RPA1: variants seen among roughly 807,000 people sequenced by gnomAD.
The protein encoded by RPA1 is replication protein A1.
A neutral mutation model predicts 83.0 loss-of-function variants in RPA1; 49 were observed. That is an observed-to-expected ratio of 0.59 (90% confidence interval 0.47 to 0.75). RPA1 has a LOEUF of 0.75. RPA1 is among the 30% of genes least tolerant of loss of function. RPA1 has a pLI of 0.00. For missense variants in RPA1, 693 were observed against 776.1 expected (o/e 0.89, Z 1.27); for synonymous variants, 279 against 281.8 (o/e 0.99, Z 0.10).
intron 5 of RPA1, among the ~76,000 whole-genome samples, chr17:1,869,970 T>G (rs1167040805): frequency 6.6e-6 from 1 of 152,132 alleles, no homozygotes; most frequent in East Asian, 1.9e-4. Context: ...ATCTCACAAC[T>G]AGAGTTGCGG....
chr17:1,855,435 C>T (rs966919681), intron 5 of RPA1, among the ~76,000 whole-genome samples: 8 of 152,162 alleles, frequency 5.3e-5, no homozygotes, highest in Non-Finnish European at 1.0e-4. Context: ...GTGGTCCACC[C>T]GCCTGGGCCT....
chr17:1,846,524 G>A (rs1169193208), intron 4 of RPA1, among the ~76,000 whole-genome samples: 1 of 151,906 alleles, frequency 6.6e-6, no homozygotes, highest in African/African-American at 2.4e-5. Context: ...GTTTCACCAT[G>A]TTAGCCAGGA....
chr17:1,844,476 G>C, intron 3 of RPA1, 102 bp from the exon 4 acceptor site: 1 of 769,180 alleles, frequency 1.3e-6, no homozygotes, highest in East Asian at 2.7e-5. Context: ...AATTTCAGGA[G>C]CATATGTAAG....
intron 4 of RPA1, among the ~76,000 whole-genome samples, chr17:1,845,551 A>T (rs186343978): frequency 1.1e-4 from 16 of 152,194 alleles, no homozygotes; most frequent in Non-Finnish European, 1.5e-4. Flanking sequence ...AAATAAATTT[A>T]AAAAAAGAAT....
intron 4 of RPA1, among the ~76,000 whole-genome samples, chr17:1,849,505 G>A (rs1912399134): frequency 6.6e-6 from 1 of 151,704 alleles, no homozygotes. Context: ...TGTTAGCCAG[G>A]ATGATCTCGA....
intron 5 of RPA1, among the ~76,000 whole-genome samples, chr17:1,868,635 A>G (rs1348563998): frequency 6.6e-6 from 1 of 152,108 alleles, no homozygotes; most frequent in Non-Finnish European, 1.5e-5. Flanking sequence ...GCCAGGCGTG[A>G]TGGCGGGTAC....
chr17:1,864,365 C>A (rs929590436), intron 5 of RPA1, among the ~76,000 whole-genome samples: 1 of 151,886 alleles, frequency 6.6e-6, no homozygotes, highest in Non-Finnish European at 1.5e-5. Context: ...GGTGAAACCT[C>A]GTCTCTACTA....
chr17:1,868,471 G>A (rs1459082754), intron 5 of RPA1, among the ~76,000 whole-genome samples: 4 of 152,128 alleles, frequency 2.6e-5, no homozygotes, highest in African/African-American at 4.8e-5. Flanking sequence ...ATTCCAAAAT[G>A]TGCGTTGAAA....
intron 5 of RPA1, among the ~76,000 whole-genome samples, chr17:1,867,442 C>T (rs903190724): frequency 6.6e-5 from 10 of 152,098 alleles, no homozygotes; most frequent in Admixed American, 1.3e-4. Context: ...CTCAGTGGCT[C>T]ATACCTTCAG....
chr17:1,896,532 G>A (rs1348695207), intron 16 of RPA1, among the ~76,000 whole-genome samples: 1 of 152,108 alleles, frequency 6.6e-6, no homozygotes, highest in Admixed American at 6.6e-5. Flanking sequence ...AGTGGGGTGG[G>A]GCTGGGGGGG....
chr17:1,838,772 T>C (rs1428282990), intron 1 of RPA1, among the ~76,000 whole-genome samples: 2 of 152,226 alleles, frequency 1.3e-5, no homozygotes, highest in Non-Finnish European at 2.9e-5. Context: ...TAAATACAGA[T>C]ATTCAGTTGT....
At chr17:1,843,577 C>T (rs1438445593) in intron 2 of RPA1, among the ~76,000 whole-genome samples, 1 of 147,394 alleles carries the variant, frequency 6.8e-6, no homozygotes, top group Non-Finnish European at 1.5e-5. Flanking sequence ...CTACACAGCA[C>T]CTTGTGTATA....
intron 4 of RPA1, among the ~76,000 whole-genome samples, chr17:1,848,387 A>G (rs1470398697): frequency 1.3e-5 from 2 of 151,776 alleles, no homozygotes; most frequent in Non-Finnish European, 2.9e-5. Flanking sequence ...TGAGGCAGGC[A>G]GATCACCTGA....
chr17:1,868,510 C>T (rs1337151738), intron 5 of RPA1, among the ~76,000 whole-genome samples: 1 of 152,138 alleles, frequency 6.6e-6, no homozygotes, highest in African/African-American at 2.4e-5. Flanking sequence ...GTGGCTCACT[C>T]CTGTAATGCC....
At chr17:1,879,763 C>G (rs1275522050) in intron 11 of RPA1, 64 bp downstream of exon 11, 15 of 1,599,244 alleles carry the variant, frequency 9.4e-6, no homozygotes, top group Non-Finnish European at 1.2e-5. Flanking sequence ...GTGGTCTTGT[C>G]CTATAGGATG....
At position 1,849,316 on chromosome 17, in the gene RPA1, G is replaced by A. The variant is rs1388429151; in HGVS notation, c.273-3785G>A. 1.1e-3 allele frequency among the ~76,000 whole-genome samples: 133 copies of A among 123,758 alleles called. 1 individual carries two copies. Among genetic ancestry groups the A allele is most frequent in the African/African-American group, 4.1e-3 (123 of 29,786 alleles). The allele number at this position is 123,758 out of a possible 152,430, so 81.2% of individuals were successfully genotyped here. A position where few individuals can be genotyped will look rare whatever the true frequency, so the allele number is the denominator to read the frequency against. ...TTTTTTTTTTTTTTTTTTTTGAGAC[G>A]GAGTCTCGCTCTGTCTCTCAGGCTG... is the stretch of plus-strand genomic sequence containing the variant. On this transcript the variant is annotated intron_variant, in intron 4 of 16. Transcript: ENST00000254719.
rs745884794 is a variant in RPA1 at position 1,895,096 on chromosome 17, G to A, written c.1746+1G>A. ...CAGGGTCAAAGTGGAGACCTACAACGTAAGTAAGGGCCTGGGCAGCAGGGT... is the reference window on the plus strand; with the variant it reads ...CAGGGTCAAAGTGGAGACCTACAACATAAGTAAGGGCCTGGGCAGCAGGGT... On this transcript the variant is annotated splice_donor_variant, in intron 16 of 16. Transcript: ENST00000254719. LOFTEE classifies it high-confidence loss of function. 3.7e-6 allele frequency: 6 copies of A among 1,611,878 alleles called. No individual in the cohort carries two copies. The highest frequency in any genetic ancestry group is 2.2e-5 in the East Asian group (1 of 44,786).
At chr17:1,855,545 T>C (rs182243771) in intron 5 of RPA1, among the ~76,000 whole-genome samples, 1 of 152,330 alleles carries the variant, frequency 6.6e-6, no homozygotes, top group East Asian at 1.9e-4. Flanking sequence ...CATGATGTAT[T>C]ATTCTTTTTA....
At chr17:1,844,802 C>T in intron 4 of RPA1, 116 bp downstream of exon 4, 1 of 674,438 alleles carries the variant, frequency 1.5e-6, no homozygotes, top group Non-Finnish European at 2.4e-6. Context: ...GTTAAGAACT[C>T]AGGTAGCTAA....
Sources: gnomAD v4.1 joint callset for allele counts (sites outside exome capture counted in the v4.1 genomes callset) on GRCh38, gnomAD v4.1.1 for gene constraint, MANE v1.5 for transcripts, NCBI Gene and HGNC (gene_info 2026-07-23, HGNC 2026-07-21) for gene names.